TKTL1: variants seen among roughly 807,000 people sequenced by gnomAD.
TKTL1 encodes the protein transketolase like 1.
TKTL1 carries 1 observed loss-of-function variant against 39.3 expected under a neutral mutation model. The ratio of observed to expected loss-of-function variants is 0.03; its 90% CI spans 0.01 to 0.12. TKTL1 has a LOEUF of 0.12. Ranked by LOEUF, TKTL1 falls within the 10% of genes least tolerant of loss-of-function variation. The probability of loss-of-function intolerance (pLI) is 1.00; values close to 1 mark genes in which losing one functional copy is unlikely to be tolerated. For synonymous variants in TKTL1, 262 were observed against 193.8 expected, an observed-to-expected ratio of 1.35 and a Z score of -2.92; for missense variants, 575 against 509.6, an observed-to-expected ratio of 1.13 and a Z score of -1.24.
intron 1 of TKTL1, chrX:154,305,049 C>CACAA (rs1557166874): frequency 1.8e-6 from 2 of 1,111,760 alleles, no homozygotes; most frequent in Non-Finnish European, 2.4e-6. Flanking sequence ...ATGTCAGAGG[C>CACAA]ACAAAGGAAA....
At chrX:154,309,144 A>G (rs1031525359) in intron 2 of TKTL1, among the ~76,000 whole-genome samples, 1 of 110,394 alleles carries the variant, frequency 9.1e-6, no homozygotes, top group Non-Finnish European at 1.9e-5. Context: ...GGCTTGACCC[A>G]TTTTCCACTT....
chrX:154,304,683 T>G (rs958386505), intron 1 of TKTL1, among the ~76,000 whole-genome samples: 9 of 108,947 alleles, frequency 8.3e-5, no homozygotes, highest in East Asian at 2.9e-4. Context: ...AATGAGAGAT[T>G]ATTAATATGA....
chrX:154,325,258 C>T (rs182069519), intron 9 of TKTL1, 81 bp from the exon 10 acceptor site: 52 of 933,321 alleles, frequency 5.6e-5, no homozygotes, highest in Non-Finnish European at 7.6e-5. Context: ...CCTCTTCACA[C>T]CCCTCCTTCA....
At chrX:154,306,718 C>T (rs1042051675) in intron 2 of TKTL1, among the ~76,000 whole-genome samples, 2 of 109,749 alleles carry the variant, frequency 1.8e-5, no homozygotes, top group Non-Finnish European at 3.8e-5. Flanking sequence ...CTCAATGCAC[C>T]CCTGACCTCC....
chrX:154,297,337 G>A (rs1383321817), intron 1 of TKTL1, among the ~76,000 whole-genome samples: 5 of 109,842 alleles, frequency 4.6e-5, no homozygotes, highest in Non-Finnish European at 1.9e-5. Flanking sequence ...CTCACTACAA[G>A]CTCCGCCTCC....
rs150445227 is a variant in TKTL1 at position 154,295,865 on chromosome X, G to A, written c.6G>A (p.Ala2=). M[A]DAEARAEFPE... is the part of the protein sequence containing the mutation. ...ACTCCAAAGGGGTTGGACTAATGGCGGATGCTGAGGCGAGGGCTGAGTTCC... is the reference window on the plus strand; with the variant it reads ...ACTCCAAAGGGGTTGGACTAATGGCAGATGCTGAGGCGAGGGCTGAGTTCC... Residue 2 remains alanine (A), a synonymous_variant, in exon 1 of 13, where the codon GCG becomes GCA. Coordinates refer to ENST00000369915, the MANE Select transcript of TKTL1 (RefSeq NM_012253.4). 1.9e-4 allele frequency: 226 copies of A among 1,209,453 alleles called. No homozygotes were observed. The African/African-American group carries it at 2.9e-3, about 16-fold the overall frequency.
chrX:154,307,756 C>T (rs188386872), intron 2 of TKTL1, among the ~76,000 whole-genome samples: 7 of 112,327 alleles, frequency 6.2e-5, no homozygotes, highest in African/African-American at 2.3e-4. Context: ...TATAGGACTT[C>T]CAAGGGCATG....
chrX:154,328,017 G>A, intron 12 of TKTL1, 59 bp downstream of exon 12: 1 of 1,183,608 alleles, frequency 8.4e-7, no homozygotes, highest in Non-Finnish European at 1.1e-6. Context: ...TCCTTGATTG[G>A]CCACATGGCA....
rs782688126 is a variant in TKTL1 at position 154,305,030 on chromosome X, A to G, written c.135-274A>G. ...CCACAGATGAATTTAAGCATGTGAA[A>G]GAATACTCATGTCAGAGGCACAAAG... On this transcript the variant is annotated intron_variant, in intron 1 of 12. Coordinates refer to ENST00000369915, the MANE Select transcript of TKTL1 (RefSeq NM_012253.4). 10 of 1,084,805 alleles carry G rather than the reference A, an allele frequency of 9.2e-6. No individual in the cohort carries two copies. The African/African-American group carries it at 1.5e-4, about 16-fold the overall frequency. The allele number at this position is 1,084,805 out of a possible 1,213,427, so 89.4% of individuals were successfully genotyped here.
rs781786615 is a variant in TKTL1, at chrX:154,311,322, CT to C, written c.670+85del. 26 of 1,142,276 alleles carry C rather than the reference CT, an allele frequency of 2.3e-5. No homozygotes were observed. In the South Asian group the frequency reaches 3.1e-4, roughly 13 times the overall value. The allele number at this position is 1,142,276 out of a possible 1,213,427, so 94.1% of individuals were successfully genotyped here. ...AGAGGCGGGAGAGGCTTAGAGGGGC[CT>C]AGGCAGATGACTCATTTAGTGAATA... On this transcript the variant is annotated intron_variant, in intron 5 of 12. Coordinates refer to ENST00000369915, the MANE Select transcript of TKTL1 (RefSeq NM_012253.4).
At chrX:154,305,231 G>C (rs1165427633) in intron 1 of TKTL1, 73 bp from the exon 2 acceptor site, 4 of 1,185,621 alleles carry the variant, frequency 3.4e-6, no homozygotes, top group Non-Finnish European at 3.4e-6. Context: ...TCTATGAGGA[G>C]ACCATGTGCC....
Position 154,323,618 on chromosome X carries a change from A to G in TKTL1, c.1317+281A>G, listed in dbSNP as rs141001318. 6.0e-3 allele frequency among the ~76,000 whole-genome samples: 673 copies of G among 111,851 alleles called. 12 individuals are homozygous for G. Among genetic ancestry groups the G allele is most frequent in the African/African-American group, 0.021 (644 of 30,776 alleles). ...CCATTCTGGGTGTTGTAAACAGGAGAAGGTGTTTAACAAAGGGTGCTTAAG... is the reference window on the plus strand; with the variant it reads ...CCATTCTGGGTGTTGTAAACAGGAGGAGGTGTTTAACAAAGGGTGCTTAAG... On this transcript the variant is annotated intron_variant, in intron 9 of 12. Coordinates refer to ENST00000369915, the MANE Select transcript of TKTL1 (RefSeq NM_012253.4).
At chrX:154,297,375 C>T (rs1445603150) in intron 1 of TKTL1, among the ~76,000 whole-genome samples, 1 of 110,519 alleles carries the variant, frequency 9.0e-6, no homozygotes, top group African/African-American at 3.3e-5. Context: ...CCTGCCTCAG[C>T]CTCCGGAGTA....
intron 7 of TKTL1, among the ~76,000 whole-genome samples, chrX:154,318,519 G>A (rs2067421051): frequency 9.6e-6 from 1 of 103,943 alleles, no homozygotes; most frequent in Admixed American, 1.1e-4. Context: ...CTAACATGGT[G>A]AAACCCCTTC....
At chrX:154,303,847 C>G (rs1423783009) in intron 1 of TKTL1, among the ~76,000 whole-genome samples, 1 of 108,901 alleles carries the variant, frequency 9.2e-6, no homozygotes, top group Middle Eastern at 4.7e-3. Flanking sequence ...CGCCCCCCAC[C>G]ATCTTCTTGC....
chrX:154,327,601 A>G lies in TKTL1; in HGVS notation c.1412A>G (p.His471Arg). 1 of 1,210,036 alleles carries G rather than the reference A, an allele frequency of 8.3e-7. No individual in the cohort carries two copies. Among genetic ancestry groups the G allele is most frequent in the Non-Finnish European group, 1.1e-6 (1 of 894,039 alleles). The stretch of plus-strand genomic sequence containing the variant: ...CTGGCACTATACCAGGTCCTCCGCC[A>G]CTGTGTCAGTGACAAGGTCACAGTT... ...FEIGQAKVLRHCVSDKVTVIG... is the reference protein window; with the variant it reads ...FEIGQAKVLRRCVSDKVTVIG... Residue 471 changes from histidine to arginine, a missense_variant, in exon 11 of 13, where the codon CAC becomes CGC. Physicochemically the swap from His to Arg is conservative, Grantham distance 29 (BLOSUM62 0). Transcript: ENST00000369915.
chrX:154,312,868 TG>T (rs1220853831), intron 6 of TKTL1, 95 bp downstream of exon 6: 66 of 857,368 alleles, frequency 7.7e-5, no homozygotes, highest in Non-Finnish European at 1.0e-4. Flanking sequence ...TCATTTATTC[TG>T]GTCTCCATGG....
At chrX:154,314,350 C>T (rs1357292030) in intron 6 of TKTL1, among the ~76,000 whole-genome samples, 2 of 110,808 alleles carry the variant, frequency 1.8e-5, no homozygotes, top group Non-Finnish European at 1.9e-5. Flanking sequence ...AACATTAGCC[C>T]ATCTCAACTT....
At chrX:154,323,481 C>T in intron 9 of TKTL1, 144 bp downstream of exon 9, 1 of 714,069 alleles carries the variant, frequency 1.4e-6, no homozygotes, top group Admixed American at 3.5e-5. Context: ...ACAAAAAAAA[C>T]AGGAGATTAT....
Sources: allele counts gnomAD v4.1 joint callset (sites outside exome capture counted in the v4.1 genomes callset), GRCh38; gene constraint gnomAD v4.1.1; transcripts MANE v1.5; gene names NCBI Gene and HGNC (gene_info 2026-07-23, HGNC 2026-07-21).